Variants in TENM2 observed in about 807,000 individuals in gnomAD.
TENM2 encodes the protein teneurin-2.
A neutral mutation model predicts 245.2 loss-of-function variants in TENM2; 52 were observed. The ratio of observed to expected loss-of-function variants is 0.21; its 90% CI spans 0.17 to 0.27. The LOEUF (loss-of-function observed/expected upper bound fraction) is 0.27. Among genes scored for constraint, TENM2 ranks in the 10% least tolerant of loss-of-function variants. TENM2 has a pLI of 1.00. For missense variants in TENM2, 3,046 were observed against 3,666.8 expected (o/e 0.83, Z 4.37); for synonymous variants, 1,363 against 1,438.9 (o/e 0.95, Z 1.19).
At chr5:168,100,859 C>G (rs1054801138) in intron 9 of TENM2, among the ~76,000 whole-genome samples, 15 of 150,784 alleles carry the variant, frequency 9.9e-5, no homozygotes, top group Non-Finnish European at 1.9e-4. Context: ...TGCAGCAAAC[C>G]ATATGTATAC....
the TENM2 span, among the ~76,000 whole-genome samples, chr5:167,101,837 ATATATATATATT>A: frequency 3.0e-4 from 33 of 109,328 alleles, no homozygotes; most frequent in African/African-American, 7.9e-4. Flanking sequence ...CTTGACATTT[ATATATATATATT>A]TATATATATA....
At chr5:167,559,699 C>T (rs1168501112) in intron 2 of TENM2, among the ~76,000 whole-genome samples, 1 of 151,992 alleles carries the variant, frequency 6.6e-6, no homozygotes, top group Non-Finnish European at 1.5e-5. Context: ...AGTAAGGGGG[C>T]ATGGAGATAT....
intron 9 of TENM2, among the ~76,000 whole-genome samples, chr5:168,112,619 A>G (rs1794770434): frequency 8.9e-6 from 1 of 112,014 alleles, no homozygotes; most frequent in Non-Finnish European, 1.9e-5. Context: ...GGGGGGGGTC[A>G]AACTTTATTA....
the TENM2 span, among the ~76,000 whole-genome samples, chr5:167,215,167 G>A: frequency 6.6e-6 from 1 of 152,128 alleles, no homozygotes; most frequent in Non-Finnish European, 1.5e-5. Flanking sequence ...AAAGCTAGGC[G>A]AGCTTGCTCC....
chr5:167,052,450 A>G, the TENM2 span, among the ~76,000 whole-genome samples: 1 of 152,216 alleles, frequency 6.6e-6, no homozygotes, highest in Non-Finnish European at 1.5e-5. Context: ...GCTGGAATTT[A>G]ACATTGTTCC....
the TENM2 span, among the ~76,000 whole-genome samples, chr5:167,197,172 T>C: frequency 2.6e-5 from 4 of 152,202 alleles, no homozygotes; most frequent in South Asian, 2.1e-4. Context: ...AGCCAAGATA[T>C]ATAAACTCAG....
intron 2 of TENM2, among the ~76,000 whole-genome samples, chr5:167,765,346 G>GC (rs1014139500): frequency 1.3e-5 from 2 of 152,156 alleles, no homozygotes; most frequent in Non-Finnish European, 2.9e-5. Flanking sequence ...TTAGAGTTGT[G>GC]CCCCAGAAGG....
chr5:167,376,622 A>G (rs1005453702), intron 2 of TENM2, among the ~76,000 whole-genome samples: 10 of 152,144 alleles, frequency 6.6e-5, no homozygotes, highest in African/African-American at 2.4e-4. Context: ...TTTAATTTTG[A>G]AATAATTTAT....
chr5:167,193,290 C>T, the TENM2 span, among the ~76,000 whole-genome samples: 6 of 152,024 alleles, frequency 3.9e-5, no homozygotes, highest in Non-Finnish European at 7.4e-5. Context: ...CAGCATTGCA[C>T]TCTTGGGAAA....
chr5:167,844,890 C>T (rs1359294646), intron 2 of TENM2, among the ~76,000 whole-genome samples: 1 of 151,770 alleles, frequency 6.6e-6, no homozygotes, highest in African/African-American at 2.4e-5. Flanking sequence ...TATCTTCGCC[C>T]CTTCAGTATT....
chr5:167,792,275 A>G (rs1765028856), intron 2 of TENM2, among the ~76,000 whole-genome samples: 1 of 152,036 alleles, frequency 6.6e-6, no homozygotes, highest in African/African-American at 2.4e-5. Flanking sequence ...GGTTATGGCC[A>G]TGATGTTGTC....
chr5:167,864,809 C>A (rs1772161378), intron 2 of TENM2, among the ~76,000 whole-genome samples: 1 of 152,044 alleles, frequency 6.6e-6, no homozygotes, highest in African/African-American at 2.4e-5. Flanking sequence ...AGATTAAATA[C>A]AATAATATAT....
At chr5:166,998,046 T>C in the TENM2 span, among the ~76,000 whole-genome samples, 1 of 152,152 alleles carries the variant, frequency 6.6e-6, no homozygotes, top group East Asian at 1.9e-4. Flanking sequence ...AGACAAGGCA[T>C]GCAGAGAAGA....
chr5:167,860,367 TG>T (rs1268906204), intron 2 of TENM2, among the ~76,000 whole-genome samples: 7 of 46,734 alleles, frequency 1.5e-4, no homozygotes, highest in Non-Finnish European at 2.3e-4. Flanking sequence ...GGAGGGAGGT[TG>T]GGGGGTCAGC....
At chr5:167,034,444 A>C in the TENM2 span, among the ~76,000 whole-genome samples, 2 of 151,840 alleles carry the variant, frequency 1.3e-5, no homozygotes, top group Admixed American at 6.6e-5. Context: ...TCCCGGCTAA[A>C]ACGGTGAAAC....
At chr5:167,964,783 G>A (rs747573907) in intron 4 of TENM2, among the ~76,000 whole-genome samples, 1 of 146,210 alleles carries the variant, frequency 6.8e-6, no homozygotes, top group Non-Finnish European at 1.5e-5. Context: ...GCCAGAAAGA[G>A]AAAGCAAGAG....
At chr5:168,112,551 TC>T (rs964241465) in intron 9 of TENM2, among the ~76,000 whole-genome samples, 3 of 150,000 alleles carry the variant, frequency 2.0e-5, no homozygotes, top group Middle Eastern at 3.4e-3. Flanking sequence ...ATGATCCCAT[TC>T]CTTTTTATTG....
chr5:167,620,116 G>C (rs1388927355), intron 2 of TENM2, among the ~76,000 whole-genome samples: 1 of 152,070 alleles, frequency 6.6e-6, no homozygotes, highest in Admixed American at 6.6e-5. Flanking sequence ...GTCAATAGTC[G>C]GCCGTGTGGT....
intron 12 of TENM2, chr5:168,129,369 G>A (rs1488314387): frequency 5.9e-5 from 9 of 152,198 alleles, no homozygotes; most frequent in African/African-American, 2.2e-4. Context: ...TTCAGAAAGT[G>A]TAAATTGATA....
Sources: allele counts gnomAD v4.1 joint callset (sites outside exome capture counted in the v4.1 genomes callset), GRCh38; gene constraint gnomAD v4.1.1; transcripts MANE v1.5; gene names NCBI Gene and HGNC (gene_info 2026-07-23, HGNC 2026-07-21).